Variants in TBL1X observed in about 807,000 individuals in gnomAD.
The protein encoded by TBL1X is F-box-like/WD repeat-containing protein TBL1X.
Under a neutral mutation model 50.7 loss-of-function variants are expected in TBL1X, and 10 were observed. That is an observed-to-expected ratio of 0.20 (90% CI 0.12 to 0.33). The LOEUF is 0.33. Among genes scored for constraint, TBL1X ranks in the 10% least tolerant of loss-of-function variants. TBL1X has a pLI of 1.00. For missense variants in TBL1X, 340 were observed against 504.4 expected (o/e 0.67, Z 3.12); for synonymous variants, 190 against 214.7 (o/e 0.88, Z 1.01).
At chrX:9,696,139 C>T (rs1235217370) in intron 11 of TBL1X, among the ~76,000 whole-genome samples, 1 of 112,702 alleles carries the variant, frequency 8.9e-6, no homozygotes, top group Non-Finnish European at 1.9e-5. Flanking sequence ...ACATAAACAT[C>T]AACTAAGAGA....
At chrX:9,619,804 A>G (rs753577530) in intron 2 of TBL1X, among the ~76,000 whole-genome samples, 1 of 111,480 alleles carries the variant, frequency 9.0e-6, no homozygotes, top group East Asian at 2.8e-4. Flanking sequence ...TTACATCCTC[A>G]TGCTTGGGTG....
At chrX:9,552,891 C>T (rs1411781174) in intron 2 of TBL1X, among the ~76,000 whole-genome samples, 1 of 111,804 alleles carries the variant, frequency 8.9e-6, no homozygotes, top group Admixed American at 9.5e-5. Flanking sequence ...GCCTGTAATC[C>T]CAGCACTTGA....
At chrX:9,590,835 A>G (rs993028752) in intron 2 of TBL1X, among the ~76,000 whole-genome samples, 5 of 110,835 alleles carry the variant, frequency 4.5e-5, no homozygotes, top group Non-Finnish European at 9.4e-5. Context: ...GAGACTTGCC[A>G]TGAGTCTTAC....
chrX:9,580,955 C>T (rs2082438062), intron 2 of TBL1X, among the ~76,000 whole-genome samples: 2 of 111,564 alleles, frequency 1.8e-5, no homozygotes, highest in African/African-American at 3.3e-5. Flanking sequence ...ATGAGGCATG[C>T]TTGACCCCCA....
chrX:9,612,053 C>T (rs1253495632), intron 2 of TBL1X, among the ~76,000 whole-genome samples: 1 of 112,913 alleles, frequency 8.9e-6, no homozygotes, highest in Non-Finnish European at 1.9e-5. Flanking sequence ...TCGCCTGGAC[C>T]TTGGTCAGGT....
chrX:9,501,656 T>C (rs1173987454), intron 1 of TBL1X, 124 bp from the exon 2 acceptor site: 1 of 111,760 alleles, frequency 8.9e-6, no homozygotes, highest in East Asian at 2.8e-4. Context: ...ACCTGCAGGT[T>C]TGTGAACCTC....
chrX:9,479,014 T>G (rs893297347), intron 1 of TBL1X, among the ~76,000 whole-genome samples: 4 of 112,769 alleles, frequency 3.5e-5, no homozygotes, highest in Non-Finnish European at 7.5e-5. Context: ...AGAAATCGAC[T>G]TAATTAAAGC....
chrX:9,479,875 A>G (rs1383565906), intron 1 of TBL1X, among the ~76,000 whole-genome samples: 1 of 111,506 alleles, frequency 9.0e-6, no homozygotes, highest in Non-Finnish European at 1.9e-5. Context: ...TTAAGATTGT[A>G]ACACGTATAA....
intron 2 of TBL1X, among the ~76,000 whole-genome samples, chrX:9,553,549 G>GGA (rs2082280910): frequency 8.9e-6 from 1 of 111,846 alleles, no homozygotes; most frequent in African/African-American, 3.3e-5. Context: ...TTAATATGCT[G>GGA]GAGCAAGGAG....
At chrX:9,575,698 A>G (rs1296096835) in intron 2 of TBL1X, among the ~76,000 whole-genome samples, 2 of 112,161 alleles carry the variant, frequency 1.8e-5, no homozygotes, top group East Asian at 2.8e-4. Flanking sequence ...GCCACTTACT[A>G]CACGATTGGC....
At chrX:9,543,230 T>G (rs969876065) in intron 2 of TBL1X, among the ~76,000 whole-genome samples, 1 of 111,575 alleles carries the variant, frequency 9.0e-6, no homozygotes, top group Non-Finnish European at 1.9e-5. Flanking sequence ...GGATTTGATT[T>G]TGTGGCTCTT....
intron 2 of TBL1X, among the ~76,000 whole-genome samples, chrX:9,548,826 G>A (rs1354587911): frequency 8.9e-6 from 1 of 112,814 alleles, no homozygotes; most frequent in Non-Finnish European, 1.9e-5. Context: ...GTGATGTGGT[G>A]AGAAGAGATA....
intron 5 of TBL1X, among the ~76,000 whole-genome samples, chrX:9,663,487 G>T (rs1056807222): frequency 9.0e-6 from 1 of 111,665 alleles, no homozygotes; most frequent in Non-Finnish European, 1.9e-5. Context: ...GGCCAGGTGC[G>T]GTGGCTCATG....
chrX:9,497,603 C>T (rs889552475), intron 1 of TBL1X, among the ~76,000 whole-genome samples: 4 of 110,083 alleles, frequency 3.6e-5, no homozygotes, highest in Non-Finnish European at 5.7e-5. Flanking sequence ...GTGCTAATCA[C>T]AGATAGTTGG....
At chrX:9,481,922 G>A (rs1380800018) in intron 1 of TBL1X, among the ~76,000 whole-genome samples, 7 of 111,890 alleles carry the variant, frequency 6.3e-5, no homozygotes, top group Non-Finnish European at 7.5e-5. Flanking sequence ...GCAAACACTC[G>A]GGCCAGGTAT....
intron 5 of TBL1X, among the ~76,000 whole-genome samples, chrX:9,682,489 G>T (rs778750716): frequency 4.3e-4 from 48 of 112,136 alleles, no homozygotes; most frequent in African/African-American, 1.5e-3. Context: ...ACAACCTGGC[G>T]GTGGGGACAG....
At chrX:9,484,028 CTTTGTTTG>C (rs1324856099) in intron 1 of TBL1X, among the ~76,000 whole-genome samples, 1 of 111,943 alleles carries the variant, frequency 8.9e-6, no homozygotes, top group Admixed American at 9.5e-5. Flanking sequence ...TTTTTTATTT[CTTTGTTTG>C]TTTACATACA....
chrX:9,635,958 GTAGCA>G (rs1290977985), intron 2 of TBL1X, among the ~76,000 whole-genome samples: 3 of 112,490 alleles, frequency 2.7e-5, no homozygotes, highest in African/African-American at 9.7e-5. Context: ...CAGCCACGCA[GTAGCA>G]TAGTATTCAG....
At chrX:9,704,485 C>T (rs962947774) in intron 12 of TBL1X, among the ~76,000 whole-genome samples, 3 of 111,561 alleles carry the variant, frequency 2.7e-5, no homozygotes, top group Non-Finnish European at 5.6e-5. Flanking sequence ...CACGGAGCCT[C>T]TCTCCCAGGA....
Sources: gnomAD v4.1 joint callset for allele counts (sites outside exome capture counted in the v4.1 genomes callset) on GRCh38, gnomAD v4.1.1 for gene constraint, MANE v1.5 for transcripts, NCBI Gene and HGNC (gene_info 2026-07-23, HGNC 2026-07-21) for gene names.